ASB1: variants seen among roughly 807,000 people sequenced by gnomAD.
The protein encoded by ASB1 is ankyrin repeat and SOCS box protein 1.
Under a neutral mutation model 27.7 loss-of-function variants are expected in ASB1, and 18 were observed. That is an observed-to-expected ratio of 0.65 (90% CI 0.45 to 0.96). ASB1 has a LOEUF of 0.96. Among genes scored for constraint, ASB1 ranks in the 50% least tolerant of loss-of-function variants. ASB1 has a pLI of 0.00. For synonymous variants in ASB1, 189 were observed against 187.6 expected (o/e 1.01, Z -0.06); for missense variants, 397 against 451.7 (o/e 0.88, Z 1.10).
chr2:238,433,538 C>T lies in ASB1; in HGVS notation c.50-16C>T, dbSNP rs762470998. On this transcript the variant is annotated splice_polypyrimidine_tract_variant and intron_variant, in intron 1 of 4. Coordinates refer to ENST00000264607, the MANE Select transcript of ASB1 (RefSeq NM_001040445.3). ...GGGCCTCCATGAGCTAACAGGAGCC[C>T]CTCTCTTCAGTGCAGGTCGTAATCT... 1 of 1,613,570 alleles carries T rather than the reference C, an allele frequency of 6.2e-7. No homozygotes were observed. The highest frequency in any genetic ancestry group is 8.5e-7 in the Non-Finnish European group (1 of 1,179,732).
chr2:238,432,733 A>ATATTTTC (rs1701894250), intron 1 of ASB1, among the ~76,000 whole-genome samples: 1 of 151,822 alleles, frequency 6.6e-6, no homozygotes, highest in Admixed American at 6.6e-5. Context: ...CAATCTGCTG[A>ATATTTTC]TATTTTCTTT....
Position 238,427,132 on chromosome 2 carries a change from CGGCCACTGGGCCGCGGGGCGTGT to C in ASB1, c.49+16_49+38del, listed in dbSNP as rs1701772218. ...CCGGGCTCCGCAGGTAACGTGCGCG[CGGCCACTGGGCCGCGGGGCGTGT>C]GGGGATGGCGAAGGGCTGGCTCCGG... On this transcript the variant is annotated intron_variant, in intron 1 of 4. Coordinates refer to ENST00000264607, the MANE Select transcript of ASB1 (RefSeq NM_001040445.3). 2 of 1,244,594 alleles carry C rather than the reference CGGCCACTGGGCCGCGGGGCGTGT, an allele frequency of 1.6e-6. No homozygotes were observed. The highest frequency in any genetic ancestry group is 2.0e-6 in the Non-Finnish European group (2 of 993,916). The allele number at this position is 1,244,594 out of a possible 1,614,324, so 77.1% of individuals were successfully genotyped here. A position where few individuals can be genotyped will look rare whatever the true frequency, so the allele number is the denominator to read the frequency against.
At position 238,427,133 on chromosome 2, in the gene ASB1, G is replaced by T. The variant is rs1701772178; in HGVS notation, c.49+14G>T. 1 of 1,243,038 alleles carries T rather than the reference G, an allele frequency of 8.0e-7. No homozygotes were observed. The highest frequency in any genetic ancestry group is 3.2e-5 in the East Asian group (1 of 31,276). 77.0% of individuals were successfully genotyped at this position (1,243,038 alleles called of 1,614,324 possible). On this transcript the variant is annotated intron_variant, in intron 1 of 4. Coordinates refer to ENST00000264607, the MANE Select transcript of ASB1 (RefSeq NM_001040445.3). ...CGGGCTCCGCAGGTAACGTGCGCGCGGCCACTGGGCCGCGGGGCGTGTGGG... is the reference window on the plus strand; with the variant it reads ...CGGGCTCCGCAGGTAACGTGCGCGCTGCCACTGGGCCGCGGGGCGTGTGGG...
Position 238,451,700 on chromosome 2 carries a change from TATG to T in ASB1, c.*5192_*5194del, listed in dbSNP as rs1559418940. On this transcript the variant is annotated 3_prime_UTR_variant, in exon 5 of 5. Coordinates refer to ENST00000264607, the MANE Select transcript of ASB1 (RefSeq NM_001040445.3). ...TCAAAAGCATAATGAACACTTTTGATATGATATTGTAACTTTAGTAAATGCTTT... is the reference window on the plus strand; with the variant it reads ...TCAAAAGCATAATGAACACTTTTGATATATTGTAACTTTAGTAAATGCTTT... 2 of 152,674 alleles carry T rather than the reference TATG, an allele frequency of 1.3e-5. No individual in the cohort carries two copies. Among genetic ancestry groups the T allele is most frequent in the African/African-American group, 4.8e-5 (2 of 41,458 alleles). 9.5% of individuals were successfully genotyped at this position (152,674 alleles called of 1,614,324 possible). A position where few individuals can be genotyped will look rare whatever the true frequency, so the allele number is the denominator to read the frequency against.
chr2:238,436,740 ATAT>A (rs776287657), intron 3 of ASB1, among the ~76,000 whole-genome samples: 1 of 149,458 alleles, frequency 6.7e-6, no homozygotes, highest in Non-Finnish European at 1.5e-5. Flanking sequence ...TTTTGTTTAC[ATAT>A]TATACTTTGT....
chr2:238,435,574 T>A, intron 2 of ASB1, 137 bp from the exon 3 acceptor site: 1 of 889,878 alleles, frequency 1.1e-6, no homozygotes, highest in Non-Finnish European at 1.7e-6. Context: ...GTGAGAGCAT[T>A]TCAGAAGGCA....
At chr2:238,439,357 C>T (rs569406428) in intron 3 of ASB1, among the ~76,000 whole-genome samples, 1 of 152,220 alleles carries the variant, frequency 6.6e-6, no homozygotes, top group African/African-American at 2.4e-5. Context: ...TGTGCTGGTC[C>T]TCAGGCCTGT....
Position 238,448,817 on chromosome 2 carries a change from T to C in ASB1, c.*2306T>C, listed in dbSNP as rs75689054. 9,900 of 152,462 alleles carry C rather than the reference T, an allele frequency of 0.065. 510 individuals carry two copies. Among genetic ancestry groups the C allele is most frequent in the African/African-American group, 0.13 (5,555 of 41,580 alleles). 9.4% of individuals were successfully genotyped at this position (152,462 alleles called of 1,614,324 possible). On this transcript the variant is annotated 3_prime_UTR_variant, in exon 5 of 5. Coordinates refer to ENST00000264607, the MANE Select transcript of ASB1 (RefSeq NM_001040445.3). The stretch of plus-strand genomic sequence containing the variant: ...CCTTTGCACAGCCCAGGGCCTGTTT[T>C]GGAGGGACCAGGTCACTGCCCCTGG...
intron 3 of ASB1, among the ~76,000 whole-genome samples, chr2:238,440,796 G>A (rs1031716160): frequency 2.6e-5 from 4 of 152,242 alleles, no homozygotes; most frequent in African/African-American, 9.6e-5. Flanking sequence ...TGGCTTTGGT[G>A]GAGAATGAGG....
Position 238,433,696 on chromosome 2 carries a change from G to T in ASB1, c.191+1G>T, listed in dbSNP as rs1168742956. On this transcript the variant is annotated splice_donor_variant, in intron 2 of 4. Transcript: ENST00000264607. LOFTEE classifies it high-confidence loss of function. The stretch of plus-strand genomic sequence containing the variant: ...TATTGCAAGAGGAGAGCTACCGGAG[G>T]TGAGCGGCGCTGCCCAGGGCTGGTC... The T allele has an allele frequency of 6.2e-7, 1 of 1,613,850 alleles. No homozygotes were observed. The highest frequency in any genetic ancestry group is 8.5e-7 in the Non-Finnish European group (1 of 1,179,894).
In ASB1 at chr2:238,444,981, T is replaced by C. The variant is rs906060612; in HGVS notation, c.880+254T>C. Among the ~76,000 whole-genome samples, 6 of 110,114 alleles carry C rather than the reference T, an allele frequency of 5.4e-5. No homozygotes were observed. The East Asian group carries it at 9.9e-4, about 18-fold the overall frequency. The allele number at this position is 110,114 out of a possible 152,430, so 72.2% of individuals were successfully genotyped here. On this transcript the variant is annotated intron_variant, in intron 4 of 4. Transcript: ENST00000264607. ...TCCTAGAATTATGCTCGCGCTCTCTTTTTTTTTTTTTTTTTTTTGAGGCAG... is the reference window on the plus strand; with the variant it reads ...TCCTAGAATTATGCTCGCGCTCTCTCTTTTTTTTTTTTTTTTTTGAGGCAG...
At chr2:238,439,298 G>A (rs777705906) in intron 3 of ASB1, among the ~76,000 whole-genome samples, 1 of 152,132 alleles carries the variant, frequency 6.6e-6, no homozygotes, top group Non-Finnish European at 1.5e-5. Context: ...AGTGGGTGGT[G>A]TTTGTGTTTG....
chr2:238,435,832 G>T lies in ASB1; in HGVS notation c.313G>T (p.Asp105Tyr). ...DFLIRKGAEV[D>Y]LVDVKGQTAL... is the part of the protein sequence containing the mutation. ...CCTCATCCGGAAGGGGGCCGAGGTG[G>T]ATCTGGTGGACGTAAAAGGACAGAC... The change falls in exon 3 of 5, where the codon GAT becomes TAT. Residue 105 changes from aspartate (D) to tyrosine (Y), a missense_variant. By Grantham distance (160) the Asp-to-Tyr change is radical. Transcript: ENST00000264607. 1 of 1,614,262 alleles carries T rather than the reference G, an allele frequency of 6.2e-7. No homozygotes were observed. The highest frequency in any genetic ancestry group is 8.5e-7 in the Non-Finnish European group (1 of 1,180,046).
rs1702230607 is a variant in ASB1 at position 238,449,023 on chromosome 2, A to G, written c.*2512A>G. On this transcript the variant is annotated 3_prime_UTR_variant, in exon 5 of 5. Coordinates refer to ENST00000264607, the MANE Select transcript of ASB1 (RefSeq NM_001040445.3). ...TCTAGGGTCTCAGCTTTTCATTTGC[A>G]GAGGACATGTTCAACTTCCTCTCTG... 6.6e-6 allele frequency: 1 copy of G among 152,156 alleles called. No homozygotes were observed. Among genetic ancestry groups the G allele is most frequent in the Admixed American group, 6.5e-5 (1 of 15,286 alleles). 9.4% of individuals were successfully genotyped at this position (152,156 alleles called of 1,614,324 possible). A position where few individuals can be genotyped will look rare whatever the true frequency, so the allele number is the denominator to read the frequency against.
intron 2 of ASB1, chr2:238,435,318 G>A (rs1453345000): frequency 4.6e-6 from 1 of 216,540 alleles, no homozygotes; most frequent in African/African-American, 2.3e-5. Context: ...ATGGTAACTG[G>A]GGAAGAGCAG....
chr2:238,433,599 C>A lies in ASB1; in HGVS notation c.95C>A (p.Pro32Gln), dbSNP rs780948993. Residue 32 changes from proline (P) to glutamine (Q), a missense_variant, in exon 2 of 5, where the codon CCG (proline) becomes CAG (glutamine). Pro to Gln is a moderately conservative substitution (Grantham distance 76, BLOSUM62 -1). Transcript: ENST00000264607. ...EWLREQFCDH[P>Q]LEHCEDTRLH... ...CTGAGGGAGCAATTTTGTGATCATCCGCTGGAGCACTGTGAGGACACGAGG... is the reference window on the plus strand; with the variant it reads ...CTGAGGGAGCAATTTTGTGATCATCAGCTGGAGCACTGTGAGGACACGAGG... 1 of 1,613,976 alleles carries A rather than the reference C, an allele frequency of 6.2e-7. No individual in the cohort carries two copies. The highest frequency in any genetic ancestry group is 8.5e-7 in the Non-Finnish European group (1 of 1,180,012).
chr2:238,446,743 C>A lies in ASB1; in HGVS notation c.*232C>A. 1 of 517,722 alleles carries A rather than the reference C, an allele frequency of 1.9e-6. No homozygotes were observed. The highest frequency in any genetic ancestry group is 1.9e-5 in the African/African-American group (1 of 51,500). The allele number at this position is 517,722 out of a possible 1,614,324, so 32.1% of individuals were successfully genotyped here. On this transcript the variant is annotated 3_prime_UTR_variant, in exon 5 of 5. Coordinates refer to ENST00000264607, the MANE Select transcript of ASB1 (RefSeq NM_001040445.3). ...TATTGTTTTTCCCAAGTTCTCTGTT[C>A]TGGATTTTCAGTTGCATATTAATGT...
intron 1 of ASB1, among the ~76,000 whole-genome samples, chr2:238,428,700 C>T (rs1383406689): frequency 1.3e-5 from 2 of 152,168 alleles, no homozygotes; most frequent in African/African-American, 2.4e-5. Flanking sequence ...TAAGTGCTAT[C>T]CTGGGGCAGT....
rs181785187 is a variant in ASB1 at position 238,439,839 on chromosome 2, C to T, written c.494+3826C>T. Among the ~76,000 whole-genome samples, 153 of 152,256 alleles carry T rather than the reference C, an allele frequency of 1.0e-3. 1 individual carries two copies. Among genetic ancestry groups the T allele is most frequent in the Admixed American group, 1.8e-3 (27 of 15,296 alleles). On this transcript the variant is annotated intron_variant, in intron 3 of 4. Coordinates refer to ENST00000264607, the MANE Select transcript of ASB1 (RefSeq NM_001040445.3). ...GGTGGTGCCTGCCATGTTTCGCTCC[C>T]GTAAAGCTATTCCTTTTCTCTCTGT...
Sources: gnomAD v4.1 joint callset for allele counts (sites outside exome capture counted in the v4.1 genomes callset) on GRCh38, gnomAD v4.1.1 for gene constraint, MANE v1.5 for transcripts, NCBI Gene and HGNC (gene_info 2026-07-23, HGNC 2026-07-21) for gene names.